The following KMT5A variants were observed in gnomAD, a reference collection of about 807,000 sequenced individuals.
KMT5A encodes N-lysine methyltransferase KMT5A.
A neutral mutation model predicts 40.6 loss-of-function variants in KMT5A; 6 were observed. The ratio of observed to expected loss-of-function variants is 0.15; its 90% CI spans 0.08 to 0.29. The LOEUF is 0.29. Ranked by LOEUF, KMT5A falls within the 10% of genes least tolerant of loss-of-function variation. The pLI is 1.00. For synonymous variants in KMT5A, 153 were observed against 178.8 expected (o/e 0.86, Z 1.15); for missense variants, 308 against 459.1 (o/e 0.67, Z 3.01).
intron 1 of KMT5A, chr12:123,388,799 A>G (rs935750801): frequency 7.0e-6 from 1 of 143,478 alleles, no homozygotes; most frequent in African/African-American, 2.6e-5. Context: ...GGTGTTTCCC[A>G]CCCCTTCCTC....
chr12:123,409,041 C>G lies in KMT5A; in HGVS notation c.*1338C>G, dbSNP rs972795846. The G allele has an allele frequency of 5.2e-5, 8 of 152,654 alleles. No individual in the cohort carries two copies. The highest frequency in any genetic ancestry group is 8.8e-5 in the Non-Finnish European group (6 of 68,048). 9.5% of individuals were successfully genotyped at this position (152,654 alleles called of 1,614,324 possible). ...GGGCTCAGGAGCCATGACCTGGTGT[C>G]TCCTGCCCACCCTGGTCCCAGGTAA... is the stretch of plus-strand genomic sequence containing the variant. On this transcript the variant is annotated 3_prime_UTR_variant, in exon 8 of 8. Transcript: ENST00000402868.
chr12:123,391,538 G>A (rs1877319539), intron 3 of KMT5A: 1 of 152,248 alleles, frequency 6.6e-6, no homozygotes, highest in African/African-American at 2.4e-5. Context: ...CAAGCATTTG[G>A]TGTTAGTTTC....
chr12:123,389,916 C>T (rs1401432249), intron 2 of KMT5A: 2 of 366,580 alleles, frequency 5.5e-6, no homozygotes, highest in African/African-American at 4.3e-5. Flanking sequence ...GGACGCCCTC[C>T]TCCGTCTGTA....
intron 3 of KMT5A, chr12:123,391,014 CTTGA>C: frequency 1.9e-6 from 1 of 514,628 alleles, no homozygotes; most frequent in Non-Finnish European, 3.5e-6. Flanking sequence ...ATCCTTCAAG[CTTGA>C]TTGTCTTGCT....
Position 123,384,821 on chromosome 12 carries a change from G to A in KMT5A, c.10+613G>A, listed in dbSNP as rs1876771783. On this transcript the variant is annotated intron_variant, in intron 1 of 7. Transcript: ENST00000402868. This position sits in a 1 kb window ranked among gnomAD's most constrained non-coding sequence, Gnocchi z 5.7. ...GGTCGTTCGCCCCGCATCTGGTCAG[G>A]ACTTCGCCCCCCGGTAGATGGCTTG... Among the ~76,000 whole-genome samples, 2 of 152,212 alleles carry A rather than the reference G, an allele frequency of 1.3e-5. No individual in the cohort carries two copies. The highest frequency in any genetic ancestry group is 4.1e-4 in the South Asian group (2 of 4,838).
intron 1 of KMT5A, 25 bp from the exon 2 acceptor site, chr12:123,389,408 G>T: frequency 2.9e-6 from 3 of 1,019,404 alleles, no homozygotes; most frequent in Non-Finnish European, 3.5e-6. Context: ...CCCCTCCCCC[G>T]CTTCCCCCGG....
At chr12:123,394,946 GGATCCTGT>G in intron 3 of KMT5A, 93 bp from the exon 4 acceptor site, 2 of 1,131,372 alleles carry the variant, frequency 1.8e-6, no homozygotes, top group East Asian at 5.2e-5. Context: ...GACAAACCCA[GGATCCTGT>G]CTTCTCAAAG....
rs1433790967 is a variant in KMT5A, at chr12:123,401,100, T to C, written c.598-2473T>C. Among the ~76,000 whole-genome samples the C allele has an allele frequency of 2.0e-5, 3 of 151,478 alleles. No homozygotes were observed. The East Asian group carries it at 5.8e-4, about 29-fold the overall frequency. On this transcript the variant is annotated intron_variant, in intron 5 of 7. Transcript: ENST00000402868. Reference sequence around the variant, plus strand: ...ATGAGCCACTGTACCTGACCAAGTTTTGTTGTTGTTTTTTTTAAATCTATT... The same window carrying C: ...ATGAGCCACTGTACCTGACCAAGTTCTGTTGTTGTTTTTTTTAAATCTATT...
chr12:123,397,663 C>CTTTTTTT (rs63687963), intron 5 of KMT5A, among the ~76,000 whole-genome samples: 1 of 79,548 alleles, frequency 1.3e-5, no homozygotes, highest in Non-Finnish European at 2.7e-5. Context: ...TGCTAGGTCA[C>CTTTTTTT]TTTTTTTTTT....
intron 3 of KMT5A, among the ~76,000 whole-genome samples, chr12:123,391,899 A>G (rs1877345049): frequency 6.6e-6 from 1 of 152,210 alleles, no homozygotes; most frequent in South Asian, 2.1e-4. Flanking sequence ...TGGGGACAGG[A>G]GCCCACCCTG....
rs1878758725 is a variant in KMT5A at position 123,408,577 on chromosome 12, T to C, written c.*874T>C. 1 of 147,384 alleles carries C rather than the reference T, an allele frequency of 6.8e-6. No individual in the cohort carries two copies. The highest frequency in any genetic ancestry group is 6.7e-5 in the Admixed American group (1 of 14,820). The allele number at this position is 147,384 out of a possible 1,614,324, so 9.1% of individuals were successfully genotyped here. On this transcript the variant is annotated 3_prime_UTR_variant, in exon 8 of 8. Transcript: ENST00000402868. ...GAGTGAAGTGGCTGCTTTTTTTTTTTTTTTTTTTTGCTTTTTTTTGCTTTT... is the reference window on the plus strand; with the variant it reads ...GAGTGAAGTGGCTGCTTTTTTTTTTCTTTTTTTTTGCTTTTTTTTGCTTTT...
rs35093204 is a variant in KMT5A, at chr12:123,405,517, CTTTTTTTTTTT to C, written c.848+459_848+469del. Among the ~76,000 whole-genome samples the C allele has an allele frequency of 1.5e-3, 117 of 78,048 alleles. 2 individuals are homozygous for C. The highest frequency in any genetic ancestry group is 6.5e-3 in the African/African-American group (113 of 17,284). The allele number at this position is 78,048 out of a possible 152,430, so 51.2% of individuals were successfully genotyped here. On this transcript the variant is annotated intron_variant, in intron 7 of 7. Transcript: ENST00000402868. ...CTGTGATGCAATTATCGCCTGCTTC[CTTTTTTTTTTT>C]TTTTTTTTTTTTTTTGAATCTCGAT...
At position 123,389,598 on chromosome 12, in the gene KMT5A, G is replaced by A. The variant is rs2139160175; in HGVS notation, c.132+44G>A. The A allele has an allele frequency of 2.8e-6, 3 of 1,063,362 alleles. No homozygotes were observed. In the South Asian group the frequency reaches 1.3e-4, roughly 47 times the overall value. 65.9% of individuals were successfully genotyped at this position (1,063,362 alleles called of 1,614,324 possible). A position where few individuals can be genotyped will look rare whatever the true frequency, so the allele number is the denominator to read the frequency against. On this transcript the variant is annotated intron_variant, in intron 2 of 7. Transcript: ENST00000402868. ...CGCACCCCTGCGGCGCGCCCGCCGG[G>A]CCGGGGCCGCGAGCACATGGGCGAC... is the stretch of plus-strand genomic sequence containing the variant.
intron 5 of KMT5A, among the ~76,000 whole-genome samples, chr12:123,400,650 C>T (rs1051485580): frequency 6.6e-6 from 1 of 151,772 alleles, no homozygotes; most frequent in East Asian, 1.9e-4. Context: ...TGAGCCACCG[C>T]GCCTGGCCAA....
In KMT5A at chr12:123,390,716, G is replaced by T; in HGVS notation, c.219G>T (p.Glu73Asp). The T allele has an allele frequency of 1.2e-6, 2 of 1,613,946 alleles. No homozygotes were observed. Among genetic ancestry groups the T allele is most frequent in the Non-Finnish European group, 8.5e-7 (1 of 1,179,860 alleles). ...GAATGCGTTTCCCCCTTCAGGAAGA[G>T]AACTCAGTTACACATCACGAAGTCA... The part of the protein sequence containing the change: ...CSGMRFPLQE[E>D]NSVTHHEVKC... The change falls in exon 3 of 8, where the codon GAG becomes GAT. Residue 73 changes from glutamate to aspartate, a missense_variant. By Grantham distance (45) the Glu-to-Asp change is conservative. This residue lies in a region of KMT5A where 12 missense variants were observed against 31.1 expected (regional missense o/e 0.39). Coordinates refer to ENST00000402868, the MANE Select transcript of KMT5A (RefSeq NM_020382.7).
In KMT5A at chr12:123,406,589, C is replaced by T. The variant is rs140500450; in HGVS notation, c.849-904C>T. 4.8e-3 allele frequency among the ~76,000 whole-genome samples: 732 copies of T among 152,316 alleles called. 5 individuals carry two copies. The highest frequency in any genetic ancestry group is 0.017 in the African/African-American group (707 of 41,586). ...TCAGCCTCCGAAAGTGCTGGGATTA[C>T]AGGCGTGAGCCACCGCGCCTGGCGG... On this transcript the variant is annotated intron_variant, in intron 7 of 7. Coordinates refer to ENST00000402868, the MANE Select transcript of KMT5A (RefSeq NM_020382.7).
intron 5 of KMT5A, 93 bp from the exon 6 acceptor site, chr12:123,403,480 C>T (rs1410055728): frequency 7.2e-7 from 1 of 1,390,732 alleles, no homozygotes; most frequent in Non-Finnish European, 1.0e-6. Context: ...GCCCGGTGGG[C>T]ATGGCCTGGG....
At position 123,398,450 on chromosome 12, in the gene KMT5A, T is replaced by C. The variant is rs368030064; in HGVS notation, c.597+2018T>C. Among the ~76,000 whole-genome samples, 73 of 152,164 alleles carry C rather than the reference T, an allele frequency of 4.8e-4. No individual in the cohort carries two copies. In the Middle Eastern group the frequency reaches 0.014, roughly 28 times the overall value. On this transcript the variant is annotated intron_variant, in intron 5 of 7. Coordinates refer to ENST00000402868, the MANE Select transcript of KMT5A (RefSeq NM_020382.7). ...AGGGTGGGGGGAGCCGAGTTGGCCTTGTTAATAAGAAGCAAGAGTTTGTGC... is the reference window on the plus strand; with the variant it reads ...AGGGTGGGGGGAGCCGAGTTGGCCTCGTTAATAAGAAGCAAGAGTTTGTGC...
At chr12:123,405,431 A>G (rs770179903) in intron 7 of KMT5A, among the ~76,000 whole-genome samples, 19 of 150,202 alleles carry the variant, frequency 1.3e-4, no homozygotes, top group Non-Finnish European at 2.5e-4. Context: ...TTGGCCTTCC[A>G]AAGTGCTAGG....
Sources: gnomAD v4.1 joint callset for allele counts (sites outside exome capture counted in the v4.1 genomes callset) on GRCh38, gnomAD v4.1.1 for gene constraint, gnomAD v4.1.1 regional missense constraint, Gnocchi (gnomAD v3.1) non-coding constraint, MANE v1.5 for transcripts, NCBI Gene and HGNC (gene_info 2026-07-23, HGNC 2026-07-21) for gene names.